MAP1B: variants seen among roughly 807,000 people sequenced by gnomAD.
MAP1B encodes microtubule associated protein 1B.
MAP1B carries 12 observed loss-of-function variants against 176.1 expected under a neutral mutation model. That is an observed-to-expected ratio of 0.07 (90% CI 0.04 to 0.11). MAP1B has a LOEUF of 0.11. Ranked by LOEUF, MAP1B falls within the 10% of genes least tolerant of loss-of-function variation. MAP1B has a pLI of 1.00. For synonymous variants in MAP1B, 1,044 were observed against 1,135.0 expected (o/e 0.92, Z 1.61); for missense variants, 2,523 against 2,990.5 (o/e 0.84, Z 3.65).
rs776968257 is a variant in MAP1B, at chr5:72,186,299, A to G, written c.370-315A>G. 3.9e-5 allele frequency among the ~76,000 whole-genome samples: 6 copies of G among 152,198 alleles called. No homozygotes were observed. The highest frequency in any genetic ancestry group is 7.3e-5 in the Non-Finnish European group (5 of 68,034). On this transcript the variant is annotated intron_variant, in intron 3 of 6. Coordinates refer to ENST00000296755, the MANE Select transcript of MAP1B (RefSeq NM_005909.5). The surrounding 1 kb of genome is among the most constrained non-coding windows in gnomAD (Gnocchi z 4.3). ...GAACAAATGATTACCAGCTGTGAAGACTGCTTTGAAAAAGAGGAGGAAACT... is the reference window on the plus strand; with the variant it reads ...GAACAAATGATTACCAGCTGTGAAGGCTGCTTTGAAAAAGAGGAGGAAACT...
intron 2 of MAP1B, among the ~76,000 whole-genome samples, chr5:72,140,388 T>C (rs1433523555): frequency 2.0e-5 from 3 of 152,214 alleles, no homozygotes; most frequent in African/African-American, 7.2e-5. Flanking sequence ...ATTATGACAT[T>C]TTCTAGTCTG....
chr5:72,116,026 G>T, intron 2 of MAP1B: 1 of 437,090 alleles, frequency 2.3e-6, no homozygotes, highest in Non-Finnish European at 4.3e-6. Flanking sequence ...TAAGTTCTAG[G>T]GTTGTGTATG....
intron 2 of MAP1B, among the ~76,000 whole-genome samples, chr5:72,122,216 G>C (rs182397973): frequency 6.6e-6 from 1 of 151,962 alleles, no homozygotes; most frequent in Non-Finnish European, 1.5e-5. Flanking sequence ...CACTTGCCCC[G>C]TGCCCTGAGC....
At chr5:72,147,115 T>C (rs576413974) in intron 2 of MAP1B, among the ~76,000 whole-genome samples, 19 of 152,084 alleles carry the variant, frequency 1.2e-4, no homozygotes, top group Non-Finnish European at 2.1e-4. Flanking sequence ...ACTACAGGCC[T>C]GCGCCACCAC....
At chr5:72,131,481 T>C (rs952472641) in intron 2 of MAP1B, among the ~76,000 whole-genome samples, 2 of 152,318 alleles carry the variant, frequency 1.3e-5, no homozygotes, top group South Asian at 4.1e-4. Flanking sequence ...AACAATCCAA[T>C]AGAAGTGATT....
chr5:72,116,651 A>G lies in MAP1B; in HGVS notation c.286+852A>G, dbSNP rs1745443406. Among the ~76,000 whole-genome samples, 4 of 152,310 alleles carry G rather than the reference A, an allele frequency of 2.6e-5. No individual in the cohort carries two copies. The South Asian group carries it at 8.3e-4, about 32-fold the overall frequency. On this transcript the variant is annotated intron_variant, in intron 2 of 6. Coordinates refer to ENST00000296755, the MANE Select transcript of MAP1B (RefSeq NM_005909.5). ...TTATGAGACAGTTTCTGGCCCATAA[A>G]GACTCCAAACCTGGAATATATTTCT...
At chr5:72,200,399 G>A in intron 5 of MAP1B, 32 bp downstream of exon 5, 1 of 1,596,990 alleles carries the variant, frequency 6.3e-7, no homozygotes, top group East Asian at 2.2e-5. Context: ...TTGGATATAT[G>A]TCACAACCAT....
Position 72,199,157 on chromosome 5 carries a change from AGATGGT to A in MAP1B, c.5805_5810del (p.Gly1936_Asp1937del). 2 of 1,614,180 alleles carry A rather than the reference AGATGGT, an allele frequency of 1.2e-6. No individual in the cohort carries two copies. The highest frequency in any genetic ancestry group is 1.7e-6 in the Non-Finnish European group (2 of 1,180,040). On this transcript the variant is annotated inframe_deletion, in exon 5 of 7. Coordinates refer to ENST00000296755, the MANE Select transcript of MAP1B (RefSeq NM_005909.5). This position sits in a 1 kb window ranked among gnomAD's most constrained non-coding sequence, Gnocchi z 4.2. ...TTGGGAAAACTACCAAGACCCCTGA[AGATGGT>A]GACTATTCCTATGAAATTATTGAGA...
At chr5:72,143,992 TC>T (rs1383476050) in intron 2 of MAP1B, among the ~76,000 whole-genome samples, 1 of 152,210 alleles carries the variant, frequency 6.6e-6, no homozygotes, top group Non-Finnish European at 1.5e-5. Flanking sequence ...TGGCGTGTTC[TC>T]CCTGTTTGTC....
At chr5:72,118,653 G>T (rs1181819946) in intron 2 of MAP1B, among the ~76,000 whole-genome samples, 1 of 152,070 alleles carries the variant, frequency 6.6e-6, no homozygotes, top group East Asian at 1.9e-4. Flanking sequence ...TCACTATGTT[G>T]CCCAGGCTGG....
chr5:72,170,466 C>G (rs1033351079), intron 2 of MAP1B, among the ~76,000 whole-genome samples: 2 of 151,920 alleles, frequency 1.3e-5, no homozygotes, highest in African/African-American at 4.8e-5. Flanking sequence ...TGCTGAAATA[C>G]AGGGTTTGGA....
intron 2 of MAP1B, among the ~76,000 whole-genome samples, chr5:72,159,156 C>T (rs1746283639): frequency 1.3e-5 from 2 of 151,862 alleles, no homozygotes; most frequent in Non-Finnish European, 2.9e-5. Flanking sequence ...TTCAGAGCCT[C>T]TAGAAGAGAA....
At chr5:72,140,945 C>T (rs947931056) in intron 2 of MAP1B, among the ~76,000 whole-genome samples, 1 of 152,140 alleles carries the variant, frequency 6.6e-6, no homozygotes, top group Admixed American at 6.5e-5. Flanking sequence ...TAGACAGAAA[C>T]CTTTTGGGGT....
intron 2 of MAP1B, among the ~76,000 whole-genome samples, chr5:72,165,941 T>C (rs985971012): frequency 6.6e-6 from 1 of 152,040 alleles, no homozygotes; most frequent in Non-Finnish European, 1.5e-5. Flanking sequence ...ATAGCAAACA[T>C]TTCAGTAGCT....
chr5:72,194,456 T>G lies in MAP1B; in HGVS notation c.1101T>G (p.Asn367Lys). 1 of 1,613,932 alleles carries G rather than the reference T, an allele frequency of 6.2e-7. No individual in the cohort carries two copies. The highest frequency in any genetic ancestry group is 8.5e-7 in the Non-Finnish European group (1 of 1,180,014). Reference protein sequence around the residue: ...VFLNVPENLKNPEPNIKMKRS... With the variant: ...VFLNVPENLKKPEPNIKMKRS... ...TCAATGTACCTGAAAATCTCAAAAATCCAGAGCCAAACATCAAGATGAAGA... is the reference window on the plus strand; with the variant it reads ...TCAATGTACCTGAAAATCTCAAAAAGCCAGAGCCAAACATCAAGATGAAGA... The change falls in exon 5 of 7, where the codon AAT becomes AAG. Residue 367 changes from asparagine (N) to lysine (K), a missense_variant. Transcript: ENST00000296755. This position sits in a 1 kb window ranked among gnomAD's most constrained non-coding sequence, Gnocchi z 7.2.
At chr5:72,192,727 T>G (rs1400548448) in intron 4 of MAP1B, among the ~76,000 whole-genome samples, 1 of 152,238 alleles carries the variant, frequency 6.6e-6, no homozygotes, top group Non-Finnish European at 1.5e-5. Flanking sequence ...CAGAGCCCTT[T>G]TCAGTCGAAA....
At chr5:72,156,639 T>A (rs1746233811) in intron 2 of MAP1B, among the ~76,000 whole-genome samples, 1 of 152,216 alleles carries the variant, frequency 6.6e-6, no homozygotes, top group South Asian at 2.1e-4. Context: ...GTTACCCCAT[T>A]TAAATCTCAG....
At chr5:72,122,333 C>G (rs540306583) in intron 2 of MAP1B, among the ~76,000 whole-genome samples, 4 of 152,190 alleles carry the variant, frequency 2.6e-5, no homozygotes, top group African/African-American at 7.2e-5. Context: ...GCAGACAGCC[C>G]AGTCACCCCC....
At position 72,166,062 on chromosome 5, in the gene MAP1B, C is replaced by T. The variant is rs1315633196; in HGVS notation, c.287-17681C>T. Reference sequence around the variant, plus strand: ...TACTTGCTCCAAATGACACTAGTGGCAAGAGGACTTAAACCCAGGTCTTCT... The same window carrying T: ...TACTTGCTCCAAATGACACTAGTGGTAAGAGGACTTAAACCCAGGTCTTCT... On this transcript the variant is annotated intron_variant, in intron 2 of 6. Coordinates refer to ENST00000296755, the MANE Select transcript of MAP1B (RefSeq NM_005909.5). Among the ~76,000 whole-genome samples the T allele has an allele frequency of 2.6e-5, 4 of 152,160 alleles. No individual in the cohort carries two copies. The East Asian group carries it at 5.8e-4, about 22-fold the overall frequency.
Sources: gnomAD v4.1 joint callset for allele counts (sites outside exome capture counted in the v4.1 genomes callset) on GRCh38, gnomAD v4.1.1 for gene constraint, Gnocchi (gnomAD v3.1) non-coding constraint, MANE v1.5 for transcripts, NCBI Gene and HGNC (gene_info 2026-07-23, HGNC 2026-07-21) for gene names.